The following CSMD1 variants were observed in gnomAD, a reference collection of about 807,000 sequenced individuals.
CSMD1 encodes the protein CUB and Sushi multiple domains 1.
In CSMD1, 213 loss-of-function variants were observed where a neutral mutation model predicts 417.5. The observed-to-expected ratio is 0.51, with a 90% CI of 0.46 to 0.57. The LOEUF is 0.57. CSMD1 is among the 20% of genes least tolerant of loss of function. CSMD1 has a pLI of 0.00. For synonymous variants in CSMD1, 2,862 were observed against 1,736.8 expected, an observed-to-expected ratio of 1.65 and a Z score of -16.11; for missense variants, 6,923 against 4,529.7, an observed-to-expected ratio of 1.53 and a Z score of -15.17.
At chr8:3,843,665 C>T (rs1009458253) in intron 5 of CSMD1, among the ~76,000 whole-genome samples, 4 of 152,084 alleles carry the variant, frequency 2.6e-5, no homozygotes, top group East Asian at 1.9e-4. Context: ...AGACAGGCCA[C>T]GGAGTGAGTG....
intron 5 of CSMD1, among the ~76,000 whole-genome samples, chr8:3,910,103 G>C (rs1167491948): frequency 6.6e-6 from 1 of 152,156 alleles, no homozygotes; most frequent in African/African-American, 2.4e-5. Context: ...AAGGAGAACG[G>C]AACATCAACT....
intron 1 of CSMD1, among the ~76,000 whole-genome samples, chr8:4,857,353 A>G (rs1016227223): frequency 3.3e-4 from 50 of 151,956 alleles, no homozygotes; most frequent in African/African-American, 1.2e-3. Flanking sequence ...CACAATTAAA[A>G]GAATTAGAAA....
At chr8:4,036,460 A>G (rs1253467857) in intron 3 of CSMD1, among the ~76,000 whole-genome samples, 1 of 152,196 alleles carries the variant, frequency 6.6e-6, no homozygotes, top group Admixed American at 6.5e-5. Context: ...TCTCCCCAAG[A>G]AGGTGTCTGA....
intron 3 of CSMD1, among the ~76,000 whole-genome samples, chr8:4,160,136 C>A (rs1489626350): frequency 1.3e-5 from 2 of 151,318 alleles, no homozygotes; most frequent in African/African-American, 4.9e-5. Context: ...CGTCTTAATT[C>A]CAAGTATTAA....
At chr8:4,810,065 T>C (rs1428619963) in intron 1 of CSMD1, among the ~76,000 whole-genome samples, 1 of 152,332 alleles carries the variant, frequency 6.6e-6, no homozygotes, top group South Asian at 2.1e-4. Flanking sequence ...AAATACCAGT[T>C]AAAGTTAGCT....
intron 1 of CSMD1, among the ~76,000 whole-genome samples, chr8:4,919,186 C>G (rs577309113): frequency 9.3e-4 from 141 of 152,262 alleles, no homozygotes; most frequent in Non-Finnish European, 1.7e-3. Flanking sequence ...TCCTGTAAAA[C>G]TGAAACGTAC....
rs575073936 is a variant in CSMD1, at chr8:4,525,148, T to C, written c.303-105083A>G. Among the ~76,000 whole-genome samples the C allele has an allele frequency of 7.9e-5, 12 of 152,260 alleles. No individual in the cohort carries two copies. In the South Asian group the frequency reaches 2.5e-3, roughly 32 times the overall value. On this transcript the variant is annotated intron_variant, in intron 2 of 69. Coordinates refer to ENST00000635120, the MANE Select transcript of CSMD1 (RefSeq NM_033225.6). ...TTTCAATCTACTCCAACATTATTAT[T>C]TGGGAAAAGTTGACCAGGCTCCCAC...
intron 6 of CSMD1, among the ~76,000 whole-genome samples, chr8:3,740,294 T>C (rs1052300658): frequency 7.9e-5 from 12 of 152,142 alleles, no homozygotes; most frequent in African/African-American, 2.9e-4. Flanking sequence ...TTAGTACAGA[T>C]GGGGTTTGAC....
chr8:4,329,148 G>C (rs1197644782), intron 3 of CSMD1, among the ~76,000 whole-genome samples: 2 of 152,062 alleles, frequency 1.3e-5, no homozygotes, highest in Non-Finnish European at 2.9e-5. Flanking sequence ...TATCTGTCTT[G>C]AATGCACGGT....
At chr8:4,820,982 G>C (rs948464265) in intron 1 of CSMD1, among the ~76,000 whole-genome samples, 1 of 152,152 alleles carries the variant, frequency 6.6e-6, no homozygotes, top group African/African-American at 2.4e-5. Flanking sequence ...AATGGTAAGA[G>C]ACACAATCTG....
chr8:3,123,903 C>T (rs545255651), intron 41 of CSMD1, among the ~76,000 whole-genome samples: 4 of 152,138 alleles, frequency 2.6e-5, no homozygotes, highest in African/African-American at 9.7e-5. Context: ...TGTAGTCTTT[C>T]GGGTGACTTA....
At chr8:4,461,963 T>TGG (rs1799861310) in intron 2 of CSMD1, among the ~76,000 whole-genome samples, 2 of 151,992 alleles carry the variant, frequency 1.3e-5, no homozygotes, top group Admixed American at 6.6e-5. Flanking sequence ...GGATGGGCTC[T>TGG]ATCTCCCGAC....
chr8:4,524,041 G>C (rs1339736268), intron 2 of CSMD1, among the ~76,000 whole-genome samples: 3 of 151,938 alleles, frequency 2.0e-5, no homozygotes, highest in Admixed American at 2.0e-4. Context: ...TTTCTGATGT[G>C]GTAAATCCTC....
intron 3 of CSMD1, among the ~76,000 whole-genome samples, chr8:4,253,079 A>C (rs1803194821): frequency 6.6e-6 from 1 of 152,244 alleles, no homozygotes; most frequent in South Asian, 2.1e-4. Flanking sequence ...CTCTTAGAGG[A>C]AAAAGATTCT....
intron 7 of CSMD1, among the ~76,000 whole-genome samples, chr8:3,664,311 G>T (rs1798570860): frequency 6.6e-6 from 1 of 152,102 alleles, no homozygotes; most frequent in Non-Finnish European, 1.5e-5. Flanking sequence ...GCAACTGTTT[G>T]CTCAGAATGA....
chr8:4,422,069 A>T (rs1469270982), intron 2 of CSMD1, among the ~76,000 whole-genome samples: 1 of 152,132 alleles, frequency 6.6e-6, no homozygotes, highest in Non-Finnish European at 1.5e-5. Context: ...TAACTCAAAC[A>T]AATGAACTAT....
intron 1 of CSMD1, among the ~76,000 whole-genome samples, chr8:4,782,599 G>A (rs768264460): frequency 6.6e-6 from 1 of 151,986 alleles, no homozygotes; most frequent in South Asian, 2.1e-4. Flanking sequence ...ATTCTTTGTA[G>A]GTACTGAAAA....
At position 3,108,600 on chromosome 8, in the gene CSMD1, G is replaced by C. The variant is rs1276899280; in HGVS notation, c.6754+3C>G. On this transcript the variant is annotated splice_donor_region_variant and intron_variant, in intron 44 of 69. Transcript: ENST00000635120. ...TTAACTAACGGAGTGAAAATCAACTGACCGTGGAAATTGAGGACAAAGAAG... is the reference window on the plus strand; with the variant it reads ...TTAACTAACGGAGTGAAAATCAACTCACCGTGGAAATTGAGGACAAAGAAG... 2 of 1,613,506 alleles carry C rather than the reference G, an allele frequency of 1.2e-6. No individual in the cohort carries two copies. Among genetic ancestry groups the C allele is most frequent in the Non-Finnish European group, 1.7e-6 (2 of 1,179,700 alleles).
intron 3 of CSMD1, among the ~76,000 whole-genome samples, chr8:4,397,692 T>C (rs1010103568): frequency 5.9e-5 from 9 of 152,150 alleles, no homozygotes; most frequent in African/African-American, 1.9e-4. Context: ...GAAATAGATA[T>C]TAATAAGATT....
Sources: gnomAD v4.1 joint callset for allele counts (sites outside exome capture counted in the v4.1 genomes callset) on GRCh38, gnomAD v4.1.1 for gene constraint, MANE v1.5 for transcripts, NCBI Gene and HGNC (gene_info 2026-07-23, HGNC 2026-07-21) for gene names.